ARHGAP44: variants seen among roughly 807,000 people sequenced by gnomAD.
The protein encoded by ARHGAP44 is rho GTPase-activating protein 44.
In ARHGAP44, 43 loss-of-function variants were observed where a neutral mutation model predicts 106.8. The ratio of observed to expected loss-of-function variants is 0.40; its 90% confidence interval spans 0.32 to 0.52. ARHGAP44 has a LOEUF of 0.52. ARHGAP44 is among the 20% of genes least tolerant of loss of function. The probability of loss-of-function intolerance (pLI) is 0.48; values close to 1 mark genes in which losing one functional copy is unlikely to be tolerated. For synonymous variants in ARHGAP44, 439 were observed against 410.3 expected (o/e 1.07, Z -0.85); for missense variants, 866 against 1,050.5 (o/e 0.82, Z 2.43).
chr17:12,983,858 C>T (rs1193711425), intron 19 of ARHGAP44, among the ~76,000 whole-genome samples: 4 of 152,168 alleles, frequency 2.6e-5, no homozygotes, highest in South Asian at 2.1e-4. Flanking sequence ...AAAATGCAGT[C>T]GATCCATACA....
chr17:12,863,122 T>C (rs1169922595), intron 1 of ARHGAP44, among the ~76,000 whole-genome samples: 3 of 151,988 alleles, frequency 2.0e-5, no homozygotes, highest in Non-Finnish European at 4.4e-5. Flanking sequence ...ACCTCGTCTC[T>C]GTGAAAATAA....
chr17:12,919,867 A>G, intron 6 of ARHGAP44, 36 bp downstream of exon 6: 1 of 1,564,556 alleles, frequency 6.4e-7, no homozygotes, highest in Admixed American at 1.8e-5. Context: ...GCTTCTTTGA[A>G]GGGACAGTGA....
intron 1 of ARHGAP44, among the ~76,000 whole-genome samples, chr17:12,872,367 C>T (rs546272892): frequency 3.9e-5 from 6 of 152,234 alleles, no homozygotes; most frequent in African/African-American, 1.4e-4. Context: ...AATTTCTTCT[C>T]GCTGGACTTG....
chr17:12,979,516 T>C (rs1290861351), intron 18 of ARHGAP44, among the ~76,000 whole-genome samples: 3 of 152,034 alleles, frequency 2.0e-5, no homozygotes. Context: ...GGAATGGGTA[T>C]TGAGTTTGAG....
chr17:12,926,421 T>G (rs868706675), intron 6 of ARHGAP44, among the ~76,000 whole-genome samples: 1 of 140,104 alleles, frequency 7.1e-6, no homozygotes, highest in Admixed American at 8.1e-5. Flanking sequence ...ATAATATATA[T>G]GTATATATAA....
intron 4 of ARHGAP44, among the ~76,000 whole-genome samples, chr17:12,914,800 A>T (rs1181487592): frequency 3.4e-5 from 1 of 29,644 alleles, no homozygotes; most frequent in Non-Finnish European, 1.0e-4. Context: ...CCATCTCAAG[A>T]AAAAAAAAAA....
chr17:12,809,466 CAA>C (rs1281687277), intron 1 of ARHGAP44, among the ~76,000 whole-genome samples: 3 of 152,192 alleles, frequency 2.0e-5, no homozygotes, highest in African/African-American at 4.8e-5. Context: ...CGGCAGCAGA[CAA>C]GAGAGCTTGT....
chr17:12,984,375 C>A, intron 19 of ARHGAP44, 156 bp from the exon 20 acceptor site: 1 of 643,144 alleles, frequency 1.6e-6, no homozygotes, highest in Non-Finnish European at 2.3e-6. Flanking sequence ...GTCAATGTGG[C>A]AAGAGGCCGG....
At chr17:12,881,850 C>T (rs2150900213) in intron 1 of ARHGAP44, among the ~76,000 whole-genome samples, 1 of 152,092 alleles carries the variant, frequency 6.6e-6, no homozygotes, top group African/African-American at 2.4e-5. Flanking sequence ...TGCATCTTCG[C>T]ACCCAGCTAT....
chr17:12,908,450 G>T (rs1254171294), intron 3 of ARHGAP44, among the ~76,000 whole-genome samples: 1 of 152,130 alleles, frequency 6.6e-6, no homozygotes, highest in African/African-American at 2.4e-5. Flanking sequence ...ACCCGCCTCG[G>T]CCTCTGCCTC....
chr17:12,889,808 A>C (rs1351235851), intron 1 of ARHGAP44, among the ~76,000 whole-genome samples: 2 of 152,170 alleles, frequency 1.3e-5, no homozygotes, highest in Non-Finnish European at 2.9e-5. Context: ...CAAGTAATCT[A>C]CCTTAAAATG....
chr17:12,905,501 G>A (rs1188846192), intron 3 of ARHGAP44, among the ~76,000 whole-genome samples: 3 of 152,108 alleles, frequency 2.0e-5, no homozygotes, highest in Admixed American at 6.5e-5. Context: ...CCAAAAGTCC[G>A]ATCAACCTCA....
At position 12,903,108 on chromosome 17, in the gene ARHGAP44, GA is replaced by G. The variant is rs1385117651; in HGVS notation, c.199-5788del. Among the ~76,000 whole-genome samples, 375 of 118,600 alleles carry G rather than the reference GA, an allele frequency of 3.2e-3. 5 individuals carry two copies. Among genetic ancestry groups the G allele is most frequent in the African/African-American group, 0.01 (260 of 25,446 alleles). The allele number at this position is 118,600 out of a possible 152,430, so 77.8% of individuals were successfully genotyped here. A position where few individuals can be genotyped will look rare whatever the true frequency, so the allele number is the denominator to read the frequency against. On this transcript the variant is annotated intron_variant, in intron 3 of 20. Coordinates refer to ENST00000379672, the MANE Select transcript of ARHGAP44 (RefSeq NM_014859.6). ...TGAGAGAGAGAGAGAGAGAGAGAGA[GA>G]GAGAGAGAGAGAGAGAGGAGAGAGA...
At chr17:12,921,753 A>G (rs1244812815) in intron 6 of ARHGAP44, among the ~76,000 whole-genome samples, 1 of 152,220 alleles carries the variant, frequency 6.6e-6, no homozygotes, top group Non-Finnish European at 1.5e-5. Flanking sequence ...CTCCCAGAAT[A>G]TCATTTTCTT....
chr17:12,869,467 C>T (rs1458145443), intron 1 of ARHGAP44, among the ~76,000 whole-genome samples: 1 of 151,866 alleles, frequency 6.6e-6, no homozygotes, highest in Admixed American at 6.6e-5. Context: ...TGGAAAAATA[C>T]ATACAACATA....
chr17:12,872,287 A>G (rs149515818), intron 1 of ARHGAP44, among the ~76,000 whole-genome samples: 1 of 151,974 alleles, frequency 6.6e-6, no homozygotes, highest in African/African-American at 2.4e-5. Flanking sequence ...TGCTTTCTTT[A>G]TCTTGGAGCC....
intron 1 of ARHGAP44, among the ~76,000 whole-genome samples, chr17:12,875,093 T>G (rs1214458648): frequency 6.6e-6 from 1 of 152,160 alleles, no homozygotes; most frequent in Non-Finnish European, 1.5e-5. Flanking sequence ...TGAACATGTC[T>G]TAGAATCATC....
chr17:12,903,117 AGAGAGAGAG>A (rs1567677669), intron 3 of ARHGAP44, among the ~76,000 whole-genome samples: 5,013 of 86,818 alleles, frequency 0.058, 71 homozygotes, highest in East Asian at 0.094. Context: ...AGAGAGAGAG[AGAGAGAGAG>A]GAGAGAGAGA....
chr17:12,855,411 C>G (rs2035878757), intron 1 of ARHGAP44, among the ~76,000 whole-genome samples: 1 of 152,032 alleles, frequency 6.6e-6, no homozygotes. Context: ...GTCAGGAAGT[C>G]TTTCTTTTTT....
Sources: gnomAD v4.1 joint callset for allele counts (sites outside exome capture counted in the v4.1 genomes callset) on GRCh38, gnomAD v4.1.1 for gene constraint, MANE v1.5 for transcripts, NCBI Gene and HGNC (gene_info 2026-07-23, HGNC 2026-07-21) for gene names.